CAPN3: variants seen among roughly 807,000 people sequenced by gnomAD.
CAPN3 encodes calpain-3.
A neutral mutation model predicts 114.0 loss-of-function variants in CAPN3; 88 were observed. The observed-to-expected ratio is 0.77, with a 90% confidence interval of 0.65 to 0.92. CAPN3 has a LOEUF of 0.92. Among genes scored for constraint, CAPN3 ranks in the 40% least tolerant of loss-of-function variants. The pLI is 0.00. For synonymous variants in CAPN3, 386 were observed against 382.9 expected, an observed-to-expected ratio of 1.01 and a Z score of -0.09; for missense variants, 1,028 against 1,069.0, an observed-to-expected ratio of 0.96 and a Z score of 0.53.
chr15:42,363,506 A>G (rs1248414864), intron 1 of CAPN3, among the ~76,000 whole-genome samples: 1 of 152,114 alleles, frequency 6.6e-6, no homozygotes. Flanking sequence ...GTGGGTTTGT[A>G]AAGAGAACTT....
At position 42,408,279 on chromosome 15, in the gene CAPN3, G is replaced by A. The variant is rs1391429681; in HGVS notation, c.1869G>A (p.Glu623=). 10 of 1,613,784 alleles carry A rather than the reference G, an allele frequency of 6.2e-6. No homozygotes were observed. The African/African-American group carries it at 1.2e-4, about 19-fold the overall frequency. ...TGGGTGTGGACCAGGAGTCAGAGGAGGGCAAAGGCAAAACAAGCCCTGATA... is the reference window on the plus strand; with the variant it reads ...TGGGTGTGGACCAGGAGTCAGAGGAAGGCAAAGGCAAAACAAGCCCTGATA... ...KELGVDQESE[E]GKGKTSPDKQ... is the part of the protein sequence containing the mutation. Residue 623 remains glutamate (E), a synonymous_variant, in exon 16 of 24, where the codon GAG becomes GAA. Coordinates refer to ENST00000397163, the MANE Select transcript of CAPN3 (RefSeq NM_000070.3).
intron 4 of CAPN3, among the ~76,000 whole-genome samples, chr15:42,388,511 TG>T (rs1026739325): frequency 6.6e-6 from 1 of 152,152 alleles, no homozygotes; most frequent in African/African-American, 2.4e-5. Context: ...TTTGCCATGT[TG>T]CCCAGACTGG....
intron 6 of CAPN3, among the ~76,000 whole-genome samples, chr15:42,391,935 G>A (rs574590583): frequency 9.5e-4 from 145 of 152,112 alleles, no homozygotes; most frequent in African/African-American, 3.3e-3. Context: ...AGGCTGAGGC[G>A]GGTGGATCAC....
chr15:42,399,338 G>A (rs1031880877), intron 9 of CAPN3, among the ~76,000 whole-genome samples, 154 bp from the exon 10 acceptor site: 1 of 152,126 alleles, frequency 6.6e-6, no homozygotes, highest in Non-Finnish European at 1.5e-5. Flanking sequence ...AAGTGACAGC[G>A]TTTGCCCTAA....
intron 11 of CAPN3, 121 bp from the exon 12 acceptor site, chr15:42,402,003 G>A: frequency 7.1e-7 from 1 of 1,414,354 alleles, no homozygotes; most frequent in African/African-American, 1.4e-5. Flanking sequence ...GAGCGGGCCT[G>A]GCAGAACAGG....
chr15:42,411,195 A>G, intron 22 of CAPN3, 92 bp from the exon 23 acceptor site: 1 of 1,124,656 alleles, frequency 8.9e-7, no homozygotes, highest in Non-Finnish European at 1.4e-6. Flanking sequence ...GATGAGGGAC[A>G]GCACTGGGCA....
At chr15:42,401,852 C>A (rs762451009) in intron 11 of CAPN3, 42 bp downstream of exon 11, 1 of 1,590,312 alleles carries the variant, frequency 6.3e-7, no homozygotes, top group East Asian at 2.3e-5. Context: ...AACATACTTT[C>A]CCAGGGAGGA....
chr15:42,361,869 T>C lies in CAPN3; in HGVS notation c.309+1755T>C, dbSNP rs138697951. 4.7e-3 allele frequency among the ~76,000 whole-genome samples: 723 copies of C among 152,376 alleles called. 7 individuals carry two copies. The highest frequency in any genetic ancestry group is 0.017 in the African/African-American group (699 of 41,588). ...CGGAGGCCTTTGCTCATGCTGTCTG[T>C]CTGCCTGACATGCCTTTTTTGTTCC... On this transcript the variant is annotated intron_variant, in intron 1 of 23. Transcript: ENST00000397163.
intron 8 of CAPN3, among the ~76,000 whole-genome samples, chr15:42,395,727 C>G (rs1013906282): frequency 3.3e-5 from 5 of 152,188 alleles, no homozygotes; most frequent in Non-Finnish European, 7.4e-5. Context: ...GACAAGTGGA[C>G]CCAACGCTGT....
At chr15:42,384,815 T>TA (rs1401455832) in intron 2 of CAPN3, among the ~76,000 whole-genome samples, 1 of 152,172 alleles carries the variant, frequency 6.6e-6, no homozygotes, top group Non-Finnish European at 1.5e-5. Context: ...CAAGGACACT[T>TA]ACATACCCCA....
At position 42,412,237 on chromosome 15, in the gene CAPN3, T is replaced by C; in HGVS notation, c.*464T>C. The C allele has an allele frequency of 6.6e-7, 1 of 1,510,314 alleles. No homozygotes were observed. Among genetic ancestry groups the C allele is most frequent in the Non-Finnish European group, 8.9e-7 (1 of 1,125,020 alleles). 93.6% of individuals were successfully genotyped at this position (1,510,314 alleles called of 1,614,324 possible). ...AACTAACTCAGTGGAATAGGGCTGG[T>C]TACTTTGGGCTGTCCAACTCATAAG... is the stretch of plus-strand genomic sequence containing the variant. On this transcript the variant is annotated 3_prime_UTR_variant, in exon 24 of 24. Coordinates refer to ENST00000397163, the MANE Select transcript of CAPN3 (RefSeq NM_000070.3).
intron 4 of CAPN3, among the ~76,000 whole-genome samples, chr15:42,388,488 G>C (rs1452761548): frequency 6.6e-6 from 1 of 151,994 alleles, no homozygotes; most frequent in African/African-American, 2.4e-5. Flanking sequence ...GTATTTTTTT[G>C]TAGAGACGGG....
chr15:42,410,664 C>T lies in CAPN3; in HGVS notation c.2261C>T (p.Ala754Val). 6.2e-7 allele frequency: 1 copy of T among 1,613,042 alleles called. No individual in the cohort carries two copies. Among genetic ancestry groups the T allele is most frequent in the Non-Finnish European group, 8.5e-7 (1 of 1,179,300 alleles). ...GAGATGCGAAATGCAGTCAACGACGCAGGTGCTGAGAAGGAAGGGGTGGCA... is the reference window on the plus strand; with the variant it reads ...GAGATGCGAAATGCAGTCAACGACGTAGGTGCTGAGAAGGAAGGGGTGGCA... ...SYEMRNAVND[A>V]GFHLNNQLYD... The change falls in exon 21 of 24, where the codon GCA (alanine) becomes GTA (valine). Residue 754 changes from alanine to valine, a missense_variant and splice_region_variant. By Grantham distance (64) the Ala-to-Val change is moderately conservative. Transcript: ENST00000397163.
chr15:42,387,743 T>G lies in CAPN3; in HGVS notation c.499-10T>G. 1 of 1,614,168 alleles carries G rather than the reference T, an allele frequency of 6.2e-7. No individual in the cohort carries two copies. Among genetic ancestry groups the G allele is most frequent in the South Asian group, 1.1e-5 (1 of 91,068 alleles). ...GAGTATGTGACTCTGTGCGTGACGC[T>G]TCTGTGCAGTTCTGGCGCTATGGAG... On this transcript the variant is annotated splice_polypyrimidine_tract_variant and intron_variant, in intron 3 of 23. Coordinates refer to ENST00000397163, the MANE Select transcript of CAPN3 (RefSeq NM_000070.3).
chr15:42,395,393 C>T (rs1472432176), intron 8 of CAPN3, among the ~76,000 whole-genome samples: 3 of 152,292 alleles, frequency 2.0e-5, no homozygotes, highest in South Asian at 2.1e-4. Context: ...AACACAGACA[C>T]GTGGGCCCTG....
At chr15:42,406,503 CTCTTT>C (rs1566982911) in intron 15 of CAPN3, among the ~76,000 whole-genome samples, 1 of 152,084 alleles carries the variant, frequency 6.6e-6, no homozygotes, top group Non-Finnish European at 1.5e-5. Flanking sequence ...GTCAGTCCCT[CTCTTT>C]TTTTTCCCCC....
chr15:42,361,666 C>T (rs894156064), intron 1 of CAPN3, among the ~76,000 whole-genome samples: 3 of 152,116 alleles, frequency 2.0e-5, no homozygotes, highest in Non-Finnish European at 2.9e-5. Flanking sequence ...CAGTGACATC[C>T]CTCTCTCGGC....
intron 16 of CAPN3, 53 bp downstream of exon 16, chr15:42,408,377 T>C: frequency 8.8e-7 from 1 of 1,138,142 alleles, no homozygotes; most frequent in Non-Finnish European, 1.3e-6. Flanking sequence ...AGGGGCTTCC[T>C]ATGCGCTTGG....
intron 1 of CAPN3, among the ~76,000 whole-genome samples, chr15:42,381,699 C>T (rs1419161188): frequency 1.3e-5 from 2 of 152,152 alleles, no homozygotes; most frequent in African/African-American, 4.8e-5. Flanking sequence ...GCCACCATGC[C>T]TGGCTAATTT....
Sources: allele counts gnomAD v4.1 joint callset (sites outside exome capture counted in the v4.1 genomes callset), GRCh38; gene constraint gnomAD v4.1.1; transcripts MANE v1.5; gene names NCBI Gene and HGNC (gene_info 2026-07-23, HGNC 2026-07-21).